AKT3: variants seen among roughly 807,000 people sequenced by gnomAD.
AKT3 encodes the protein AKT serine/threonine kinase 3.
A neutral mutation model predicts 65.3 loss-of-function variants in AKT3; 15 were observed. That is an observed-to-expected ratio of 0.23 (90% confidence interval 0.15 to 0.35). AKT3 has a LOEUF of 0.35. AKT3 is among the 10% of genes least tolerant of loss of function. The pLI, the probability that AKT3 is intolerant of heterozygous loss-of-function variation, is 1.00. For synonymous variants in AKT3, 206 were observed against 183.8 expected (o/e 1.12, Z -0.98); for missense variants, 243 against 576.5 (o/e 0.42, Z 5.92).
intron 2 of AKT3, among the ~76,000 whole-genome samples, chr1:243,709,146 AT>A (rs1324023714): frequency 6.6e-6 from 1 of 151,772 alleles, no homozygotes; most frequent in East Asian, 1.9e-4. Flanking sequence ...ATCCAGTGGT[AT>A]GATAGACCTT....
At chr1:243,621,716 A>T (rs974238370) in intron 6 of AKT3, among the ~76,000 whole-genome samples, 7 of 152,210 alleles carry the variant, frequency 4.6e-5, no homozygotes, top group African/African-American at 1.7e-4. Flanking sequence ...CTCCCCTTGA[A>T]AAGTTTCTCC....
chr1:243,695,628 C>A lies in AKT3; in HGVS notation c.135G>T (p.Val45=). 6.2e-7 allele frequency: 1 copy of A among 1,606,072 alleles called. No homozygotes were observed. The highest frequency in any genetic ancestry group is 1.1e-5 in the South Asian group (1 of 90,142). ...FIGYKEKPQD[V]DLPYPLNNFS... ...AGTTGTTGAGGGGATAAGGTAAATC[C>A]ACATCTTGAGGTTTCTCTTTATATC... Residue 45 remains valine, a synonymous_variant, in exon 3 of 14, where the codon GTG becomes GTT. Coordinates refer to ENST00000673466, the MANE Select transcript of AKT3 (RefSeq NM_005465.7).
At chr1:243,824,607 C>A (rs1694053436) in intron 2 of AKT3, among the ~76,000 whole-genome samples, 1 of 151,912 alleles carries the variant, frequency 6.6e-6, no homozygotes, top group Non-Finnish European at 1.5e-5. Context: ...TAAACAGACA[C>A]TTTTCAAAAG....
chr1:243,841,261 T>A (rs905144174), intron 2 of AKT3, among the ~76,000 whole-genome samples: 4 of 152,100 alleles, frequency 2.6e-5, no homozygotes, highest in Admixed American at 6.6e-5. Context: ...GACTAAAGAA[T>A]CATCCTAAAC....
At chr1:243,727,669 T>C (rs1687294356) in intron 2 of AKT3, among the ~76,000 whole-genome samples, 1 of 152,108 alleles carries the variant, frequency 6.6e-6, no homozygotes. Context: ...CTTGCAACAA[T>C]AACTTGAGGT....
At chr1:243,641,258 G>GTGTA (rs1553422104) in intron 5 of AKT3, among the ~76,000 whole-genome samples, 65 of 141,182 alleles carry the variant, frequency 4.6e-4, no homozygotes, top group Middle Eastern at 7.4e-3. Flanking sequence ...ATGTGTGTGT[G>GTGTA]TATATATATA....
At chr1:243,804,633 T>C (rs1455687528) in intron 2 of AKT3, among the ~76,000 whole-genome samples, 2 of 151,982 alleles carry the variant, frequency 1.3e-5, no homozygotes, top group African/African-American at 4.8e-5. Flanking sequence ...GATCACGAGG[T>C]CAGAAGATCG....
At chr1:243,822,988 T>C (rs1693952656) in intron 2 of AKT3, among the ~76,000 whole-genome samples, 1 of 152,054 alleles carries the variant, frequency 6.6e-6, no homozygotes, top group Admixed American at 6.6e-5. Flanking sequence ...AAAAGAAAAC[T>C]TCAGCCAATA....
chr1:243,602,680 G>A (rs1296937490), intron 8 of AKT3, among the ~76,000 whole-genome samples: 4 of 151,994 alleles, frequency 2.6e-5, no homozygotes, highest in African/African-American at 7.2e-5. Context: ...CCTGAAAGCC[G>A]TATTGCAAAA....
chr1:243,773,207 A>AATATAT (rs560934821), intron 2 of AKT3, among the ~76,000 whole-genome samples: 2 of 145,292 alleles, frequency 1.4e-5, no homozygotes, highest in Non-Finnish European at 3.0e-5. Context: ...ATATATAAAA[A>AATATAT]ATATATATAT....
chr1:243,812,249 C>G (rs1033817948), intron 2 of AKT3, among the ~76,000 whole-genome samples: 30 of 152,112 alleles, frequency 2.0e-4, no homozygotes, highest in South Asian at 8.3e-4. Context: ...TACAGAATGG[C>G]AGAAAATTTT....
chr1:243,568,202 G>A lies in AKT3; in HGVS notation c.820-4354C>T, dbSNP rs77745676. On this transcript the variant is annotated intron_variant, in intron 9 of 13. Transcript: ENST00000673466. ...ATGCATATTGTCACTGACTGCTTAG[G>A]TACTCTAAATTTATGAAACTTTACA... Among the ~76,000 whole-genome samples, 1,489 of 152,106 alleles carry A rather than the reference G, an allele frequency of 9.8e-3. 28 individuals are homozygous for A. The highest frequency in any genetic ancestry group is 0.035 in the African/African-American group (1,438 of 41,492).
chr1:243,611,875 C>G (rs543719114), intron 8 of AKT3, among the ~76,000 whole-genome samples: 1 of 152,268 alleles, frequency 6.6e-6, no homozygotes, highest in African/African-American at 2.4e-5. Context: ...CATCAATTCC[C>G]TGGGTGAAAT....
intron 4 of AKT3, among the ~76,000 whole-genome samples, chr1:243,656,714 A>T (rs1283984796): frequency 6.6e-6 from 1 of 152,204 alleles, no homozygotes; most frequent in Non-Finnish European, 1.5e-5. Context: ...AGTTCAATGT[A>T]TCTGGAACAT....
At chr1:243,767,242 G>C (rs1422333393) in intron 2 of AKT3, among the ~76,000 whole-genome samples, 1 of 152,110 alleles carries the variant, frequency 6.6e-6, no homozygotes. Flanking sequence ...CATCAGGGAA[G>C]CCATGGGAGA....
chr1:243,526,172 T>A (rs972588873), intron 12 of AKT3, among the ~76,000 whole-genome samples: 1 of 151,974 alleles, frequency 6.6e-6, no homozygotes, highest in Non-Finnish European at 1.5e-5. Flanking sequence ...GACAGTAAGT[T>A]GAGAAGCGAA....
intron 13 of AKT3, among the ~76,000 whole-genome samples, chr1:243,493,075 T>G (rs1666954874): frequency 6.6e-6 from 1 of 152,164 alleles, no homozygotes; most frequent in Admixed American, 6.5e-5. Context: ...TTTGCCTAGA[T>G]GCAGTTCCCC....
Position 243,533,701 on chromosome 1 carries a change from T to C in AKT3, c.1251+11809A>G, listed in dbSNP as rs528738178. Among the ~76,000 whole-genome samples the C allele has an allele frequency of 2.6e-5, 4 of 152,184 alleles. No individual in the cohort carries two copies. In the South Asian group the frequency reaches 8.3e-4, roughly 32 times the overall value. On this transcript the variant is annotated intron_variant, in intron 12 of 13. Transcript: ENST00000673466. Reference sequence around the variant, plus strand: ...ACAGCAAGGGCAATGGATAAAAAACTGTAAGAAGGCCGGGCGCGGTGGCTC... The same window carrying C: ...ACAGCAAGGGCAATGGATAAAAAACCGTAAGAAGGCCGGGCGCGGTGGCTC...
chr1:243,669,575 G>T (rs1002477533), intron 3 of AKT3, among the ~76,000 whole-genome samples: 8 of 152,022 alleles, frequency 5.3e-5, no homozygotes, highest in African/African-American at 1.9e-4. Context: ...TAAGCCCTCA[G>T]GTTTATCATC....
Sources: gnomAD v4.1 joint callset for allele counts (sites outside exome capture counted in the v4.1 genomes callset) on GRCh38, gnomAD v4.1.1 for gene constraint, MANE v1.5 for transcripts, NCBI Gene and HGNC (gene_info 2026-07-23, HGNC 2026-07-21) for gene names.